RORB: variants seen among roughly 807,000 people sequenced by gnomAD.
The protein encoded by RORB is nuclear receptor ROR-beta.
In RORB, 6 loss-of-function variants were observed where a neutral mutation model predicts 59.1. The ratio of observed to expected loss-of-function variants is 0.10; its 90% confidence interval spans 0.06 to 0.20. RORB has a LOEUF of 0.20. Ranked by LOEUF, RORB falls within the 10% of genes least tolerant of loss-of-function variation. The probability of loss-of-function intolerance (pLI) is 1.00; values close to 1 mark genes in which losing one functional copy is unlikely to be tolerated. For synonymous variants in RORB, 215 were observed against 204.5 expected, an observed-to-expected ratio of 1.05 and a Z score of -0.44; for missense variants, 320 against 560.5, an observed-to-expected ratio of 0.57 and a Z score of 4.33.
At chr9:74,547,781 AC>A (rs746171161) in intron 1 of RORB, among the ~76,000 whole-genome samples, 2 of 152,232 alleles carry the variant, frequency 1.3e-5, no homozygotes, top group Non-Finnish European at 2.9e-5. Context: ...AAGATGTTGT[AC>A]AACATTGTAA....
chr9:74,563,843 T>A (rs955806179), intron 1 of RORB, among the ~76,000 whole-genome samples: 1 of 152,188 alleles, frequency 6.6e-6, no homozygotes, highest in Non-Finnish European at 1.5e-5. Flanking sequence ...CTGCCAGAGC[T>A]GTGCCAAAGG....
At chr9:74,604,378 A>G (rs1047002742) in intron 1 of RORB, among the ~76,000 whole-genome samples, 5 of 152,178 alleles carry the variant, frequency 3.3e-5, no homozygotes, top group Non-Finnish European at 2.9e-5. Context: ...TCACCCATCA[A>G]CTGCCTTTAG....
chr9:74,634,907 T>A lies in RORB; in HGVS notation c.235+135T>A. On this transcript the variant is annotated intron_variant, in intron 3 of 9. Transcript: ENST00000376896. ...GAAAAGAAAATCACTGTGCTGCTAG[T>A]GCATTACAAGGAAAAGTAAGAATAT... The A allele has an allele frequency of 5.2e-6, 4 of 768,166 alleles. No homozygotes were observed. In the Admixed American group the frequency reaches 1.2e-4, roughly 23 times the overall value. The allele number at this position is 768,166 out of a possible 1,614,324, so 47.6% of individuals were successfully genotyped here.
At chr9:74,571,184 A>G (rs372204996) in intron 1 of RORB, among the ~76,000 whole-genome samples, 1 of 152,082 alleles carries the variant, frequency 6.6e-6, no homozygotes, top group Non-Finnish European at 1.5e-5. Flanking sequence ...TTAAATTACT[A>G]TAAGCAAAAT....
chr9:74,520,364 G>GA lies in RORB; in HGVS notation c.7+22388dup, dbSNP rs574989952. On this transcript the variant is annotated intron_variant, in intron 1 of 9. Coordinates refer to ENST00000376896, the MANE Select transcript of RORB (RefSeq NM_006914.4). ...GTAGTAAAAGGCAGACTGACTGAAA[G>GA]AAAAAAACAACTTTGAAAACCTTGA... 1.3e-4 allele frequency among the ~76,000 whole-genome samples: 19 copies of GA among 151,840 alleles called. No homozygotes were observed. In the East Asian group the frequency reaches 3.5e-3, roughly 28 times the overall value.
chr9:74,617,649 G>A (rs907874375), intron 1 of RORB, among the ~76,000 whole-genome samples: 1 of 152,070 alleles, frequency 6.6e-6, no homozygotes, highest in Non-Finnish European at 1.5e-5. Flanking sequence ...ACATTTGTTG[G>A]GTGACTAAGC....
intron 2 of RORB, 106 bp downstream of exon 2, chr9:74,630,473 T>G: frequency 5.3e-5 from 28 of 531,462 alleles, no homozygotes; most frequent in South Asian, 1.3e-4. Flanking sequence ...AGGATCCTTC[T>G]GCCTGCTGCT....
intron 1 of RORB, among the ~76,000 whole-genome samples, chr9:74,617,461 A>G (rs1362846157): frequency 1.3e-5 from 2 of 152,220 alleles, no homozygotes; most frequent in Non-Finnish European, 2.9e-5. Flanking sequence ...ACCAGCTTAC[A>G]TAAACACCGA....
At chr9:74,631,993 G>C (rs979625214) in intron 2 of RORB, among the ~76,000 whole-genome samples, 1 of 152,116 alleles carries the variant, frequency 6.6e-6, no homozygotes, top group Non-Finnish European at 1.5e-5. Flanking sequence ...CTATTGGCTT[G>C]TTATGCAATC....
chr9:74,647,769 T>C (rs1182320862), intron 4 of RORB, among the ~76,000 whole-genome samples: 2 of 152,334 alleles, frequency 1.3e-5, no homozygotes, highest in East Asian at 3.9e-4. Flanking sequence ...AATGTACTAC[T>C]TCATTCTATT....
chr9:74,541,044 G>T (rs1826398509), intron 1 of RORB, among the ~76,000 whole-genome samples: 1 of 151,892 alleles, frequency 6.6e-6, no homozygotes, highest in Non-Finnish European at 1.5e-5. Context: ...ACTTTAGGAG[G>T]CCAAGGCGGG....
chr9:74,636,604 A>G (rs111470505), intron 3 of RORB, among the ~76,000 whole-genome samples: 11 of 152,328 alleles, frequency 7.2e-5, no homozygotes, highest in African/African-American at 2.6e-4. Flanking sequence ...CTCTATGCAA[A>G]TAAGAGCAAT....
chr9:74,498,223 C>G, intron 1 of RORB: 1 of 596,822 alleles, frequency 1.7e-6, no homozygotes, highest in Non-Finnish European at 3.0e-6. Flanking sequence ...AGAGGGGAGA[C>G]AGGCTAGTTG....
intron 9 of RORB, among the ~76,000 whole-genome samples, chr9:74,674,881 T>C (rs922036097): frequency 6.6e-6 from 1 of 152,240 alleles, no homozygotes; most frequent in Non-Finnish European, 1.5e-5. Flanking sequence ...CATGTGACTT[T>C]AACTCTCTGT....
rs543385176 is a variant in RORB at position 74,692,774 on chromosome 9, T to C, written c.*7156T>C. 6.6e-6 allele frequency: 1 copy of C among 152,298 alleles called. No individual in the cohort carries two copies. The highest frequency in any genetic ancestry group is 1.9e-4 in the East Asian group (1 of 5,184). 9.4% of individuals were successfully genotyped at this position (152,298 alleles called of 1,614,324 possible). ...ATTACCATGTATTCTTATTGGCCTG[T>C]AGAGGAAAAAGGCAAACCACAAATA... On this transcript the variant is annotated 3_prime_UTR_variant, in exon 10 of 10. Transcript: ENST00000376896.
At chr9:74,575,464 T>C (rs978010) in intron 1 of RORB, among the ~76,000 whole-genome samples, 22,163 of 152,082 alleles carry the variant, frequency 0.15, 1,666 homozygotes, top group Admixed American at 0.2. Context: ...CCCTGAGCAG[T>C]ACAGGAAGTG....
At chr9:74,563,506 T>C (rs1302316021) in intron 1 of RORB, among the ~76,000 whole-genome samples, 1 of 152,204 alleles carries the variant, frequency 6.6e-6, no homozygotes, top group Non-Finnish European at 1.5e-5. Flanking sequence ...ATCAGAACTA[T>C]TTCCTCAGTT....
chr9:74,643,030 A>G (rs1311163332), intron 4 of RORB, among the ~76,000 whole-genome samples: 3 of 152,208 alleles, frequency 2.0e-5, no homozygotes, highest in African/African-American at 7.2e-5. Context: ...AGAAAGAAGA[A>G]ATTATAAATA....
chr9:74,660,302 A>T (rs1824158848), intron 4 of RORB, among the ~76,000 whole-genome samples: 1 of 152,136 alleles, frequency 6.6e-6, no homozygotes, highest in Non-Finnish European at 1.5e-5. Flanking sequence ...GTTGACTTTC[A>T]AGCCAAAAAG....
Sources: gnomAD v4.1 joint callset for allele counts (sites outside exome capture counted in the v4.1 genomes callset) on GRCh38, gnomAD v4.1.1 for gene constraint, MANE v1.5 for transcripts, NCBI Gene and HGNC (gene_info 2026-07-23, HGNC 2026-07-21) for gene names.